The following NPAS3 variants were observed in gnomAD, a reference collection of about 807,000 sequenced individuals.
The protein encoded by NPAS3 is neuronal PAS domain-containing protein 3.
In NPAS3, 14 loss-of-function variants were observed where a neutral mutation model predicts 73.1. The ratio of observed to expected loss-of-function variants is 0.19; its 90% CI spans 0.13 to 0.30. The LOEUF (loss-of-function observed/expected upper bound fraction) is 0.30. Among genes scored for constraint, NPAS3 ranks in the 10% least tolerant of loss-of-function variants. NPAS3 has a pLI of 1.00. For synonymous variants in NPAS3, 620 were observed against 541.5 expected, an observed-to-expected ratio of 1.14 and a Z score of -2.01; for missense variants, 1,096 against 1,250.0, an observed-to-expected ratio of 0.88 and a Z score of 1.86.
chr14:33,225,007 A>G (rs1226619675), intron 3 of NPAS3, among the ~76,000 whole-genome samples: 1 of 152,180 alleles, frequency 6.6e-6, no homozygotes, highest in Non-Finnish European at 1.5e-5. Context: ...TGATAGAAAC[A>G]TTAGAAAAAC....
At chr14:33,533,279 C>T (rs1461510655) in intron 4 of NPAS3, among the ~76,000 whole-genome samples, 1 of 152,000 alleles carries the variant, frequency 6.6e-6, no homozygotes, top group Non-Finnish European at 1.5e-5. Flanking sequence ...AATAACCAAA[C>T]TATATAAAGA....
chr14:33,143,372 TC>T (rs1566605639), intron 2 of NPAS3, among the ~76,000 whole-genome samples: 1 of 151,694 alleles, frequency 6.6e-6, no homozygotes, highest in Non-Finnish European at 1.5e-5. Context: ...ATGCCTGTAA[TC>T]CCAGCTACTT....
chr14:33,784,741 A>ATTTATTTATTTATT (rs1555333492), intron 9 of NPAS3, among the ~76,000 whole-genome samples: 1 of 72,770 alleles, frequency 1.4e-5, no homozygotes. Flanking sequence ...TTATTTATTT[A>ATTTATTTATTTATT]TTTATTTTTT....
At chr14:32,996,263 G>T (rs1315005706) in intron 1 of NPAS3, among the ~76,000 whole-genome samples, 2 of 152,146 alleles carry the variant, frequency 1.3e-5, no homozygotes, top group Non-Finnish European at 2.9e-5. Context: ...GCTTTTAAAT[G>T]CATTCAGTTT....
rs771840433 is a variant in NPAS3, at chr14:33,051,296, A to AAAAAAAAAAAAAAAAAAAAAAG, written c.51-4608_51-4607insAAAAAAAAAAAAAAAAAAAAGA. On this transcript the variant is annotated intron_variant, in intron 1 of 11. Transcript: ENST00000356141. ...ACTCCGTCTCAAAAAAAAAAAAAAA[A>AAAAAAAAAAAAAAAAAAAAAAG]AGAGAGACTAAAGAACTTCCCCACT... Among the ~76,000 whole-genome samples the AAAAAAAAAAAAAAAAAAAAAAG allele has an allele frequency of 9.1e-5, 13 of 142,512 alleles. 1 individual carries two copies. Among genetic ancestry groups the AAAAAAAAAAAAAAAAAAAAAAG allele is most frequent in the African/African-American group, 3.3e-4 (12 of 36,102 alleles). 93.5% of individuals were successfully genotyped at this position (142,512 alleles called of 152,430 possible). A position where few individuals can be genotyped will look rare whatever the true frequency, so the allele number is the denominator to read the frequency against.
At chr14:33,363,979 A>G (rs1566834155) in intron 3 of NPAS3, among the ~76,000 whole-genome samples, 1 of 148,082 alleles carries the variant, frequency 6.8e-6, no homozygotes, top group Non-Finnish European at 1.5e-5. Flanking sequence ...TAATTTTGTT[A>G]GTGTTCTTTA....
At chr14:33,097,021 G>A (rs2138858714) in intron 2 of NPAS3, among the ~76,000 whole-genome samples, 1 of 152,208 alleles carries the variant, frequency 6.6e-6, no homozygotes, top group Middle Eastern at 3.4e-3. Flanking sequence ...GAATAAAACA[G>A]CACCAGTACC....
chr14:33,315,457 C>T (rs901173757), intron 3 of NPAS3, among the ~76,000 whole-genome samples: 1 of 151,356 alleles, frequency 6.6e-6, no homozygotes, highest in African/African-American at 2.4e-5. Context: ...ATATAGCAGG[C>T]ATGTGTGCGC....
chr14:33,731,954 C>T (rs1243297350), intron 6 of NPAS3, among the ~76,000 whole-genome samples: 1 of 152,054 alleles, frequency 6.6e-6, no homozygotes, highest in East Asian at 1.9e-4. Flanking sequence ...GGGCTTTGAC[C>T]ACTTAATCCA....
At chr14:33,245,569 A>C (rs1443944150) in intron 3 of NPAS3, among the ~76,000 whole-genome samples, 1 of 152,220 alleles carries the variant, frequency 6.6e-6, no homozygotes, top group African/African-American at 2.4e-5. Context: ...TAAATGATTG[A>C]TAATACATAT....
chr14:33,769,752 T>TC (rs1566519928), intron 7 of NPAS3, among the ~76,000 whole-genome samples: 13 of 90,342 alleles, frequency 1.4e-4, no homozygotes, highest in Admixed American at 4.9e-4. Context: ...TGGATTTTTT[T>TC]TTTCTTTTTT....
At chr14:33,145,003 C>T (rs575589733) in intron 2 of NPAS3, among the ~76,000 whole-genome samples, 3 of 152,250 alleles carry the variant, frequency 2.0e-5, no homozygotes, top group South Asian at 4.1e-4. Context: ...ACAAAATTTT[C>T]GGCTTATGAA....
At chr14:33,787,909 C>T in intron 9 of NPAS3, among the ~76,000 whole-genome samples, 1 of 151,552 alleles carries the variant, frequency 6.6e-6, no homozygotes, top group East Asian at 1.9e-4. Flanking sequence ...CCCCTATAGC[C>T]CAGTTTTCAA....
At chr14:33,611,324 CCAAA>C (rs1234907633) in intron 5 of NPAS3, among the ~76,000 whole-genome samples, 1 of 152,194 alleles carries the variant, frequency 6.6e-6, no homozygotes, top group African/African-American at 2.4e-5. Flanking sequence ...ACACTATGAG[CCAAA>C]CAGACCATTC....
In NPAS3 at chr14:33,800,504, G is replaced by A. The variant is rs2063671050; in HGVS notation, c.2197G>A (p.Ala733Thr). 9 of 1,436,016 alleles carry A rather than the reference G, an allele frequency of 6.3e-6. No individual in the cohort carries two copies. Among genetic ancestry groups the A allele is most frequent in the African/African-American group, 1.5e-5 (1 of 65,786 alleles). 89.0% of individuals were successfully genotyped at this position (1,436,016 alleles called of 1,614,324 possible). The change falls in exon 12 of 12, where the codon GCC becomes ACC. Residue 733 changes from alanine (A) to threonine (T), a missense_variant. By Grantham distance (58) the Ala-to-Thr change is moderately conservative (BLOSUM62 0). Around this residue, in one of 5 missense-constraint regions of NPAS3, gnomAD observed 698 missense variants for 676.7 expected, o/e 1.03. Transcript: ENST00000356141. This position sits in a 1 kb window ranked among gnomAD's most constrained non-coding sequence, Gnocchi z 6.5. ...GGCCGCCCGCAAGACTCAGTTCGGCGCCTCGGCCACCGCGGCCCTGGCCCC... is the reference window on the plus strand; with the variant it reads ...GGCCGCCCGCAAGACTCAGTTCGGCACCTCGGCCACCGCGGCCCTGGCCCC...
chr14:33,692,648 G>A (rs2060263906), intron 6 of NPAS3, among the ~76,000 whole-genome samples: 1 of 151,994 alleles, frequency 6.6e-6, no homozygotes, highest in African/African-American at 2.4e-5. Context: ...ATATGCCTTG[G>A]TCTTCCAAAG....
intron 6 of NPAS3, among the ~76,000 whole-genome samples, chr14:33,704,997 C>T (rs1295314024): frequency 1.3e-5 from 2 of 152,196 alleles, no homozygotes; most frequent in Non-Finnish European, 2.9e-5. Flanking sequence ...TCTGCCTTAG[C>T]AACTCACAAT....
At chr14:33,051,280 CAAAA>C (rs1236766783) in intron 1 of NPAS3, among the ~76,000 whole-genome samples, 3,284 of 64,244 alleles carry the variant, frequency 0.051, 263 homozygotes, top group African/African-American at 0.2. Context: ...GACTCCGTCT[CAAAA>C]AAAAAAAAAA....
At chr14:33,359,654 A>G (rs571142491) in intron 3 of NPAS3, among the ~76,000 whole-genome samples, 1 of 152,316 alleles carries the variant, frequency 6.6e-6, no homozygotes, top group East Asian at 1.9e-4. Flanking sequence ...CCTTATTAAA[A>G]ATTTAACTGC....
Sources: gnomAD v4.1 joint callset for allele counts (sites outside exome capture counted in the v4.1 genomes callset) on GRCh38, gnomAD v4.1.1 for gene constraint, gnomAD v4.1.1 regional missense constraint, Gnocchi (gnomAD v3.1) non-coding constraint, MANE v1.5 for transcripts, NCBI Gene and HGNC (gene_info 2026-07-23, HGNC 2026-07-21) for gene names.